The following TANC1 variants were observed in gnomAD, a reference collection of about 807,000 sequenced individuals.
TANC1 encodes tetratricopeptide repeat, ankyrin repeat and coiled-coil containing 1.
Under a neutral mutation model 149.7 loss-of-function variants are expected in TANC1, and 77 were observed. The ratio of observed to expected loss-of-function variants is 0.51; its 90% CI spans 0.43 to 0.62. The LOEUF (loss-of-function observed/expected upper bound fraction) is 0.62. Ranked by LOEUF, TANC1 falls within the 20% of genes least tolerant of loss-of-function variation. The pLI is 0.00. For missense variants in TANC1, 1,985 were observed against 2,321.8 expected (o/e 0.85, Z 2.98); for synonymous variants, 854 against 925.0 (o/e 0.92, Z 1.39).
At chr2:158,969,016 G>T (rs1453742590) in intron 1 of TANC1, among the ~76,000 whole-genome samples, 2 of 152,226 alleles carry the variant, frequency 1.3e-5, no homozygotes, top group Non-Finnish European at 2.9e-5. Context: ...CGGCGGCTTT[G>T]GGGAGTCCGC....
intron 1 of TANC1, among the ~76,000 whole-genome samples, chr2:158,987,792 G>A (rs842062): frequency 0.22 from 32,856 of 151,978 alleles, 3,868 homozygotes; most frequent in South Asian, 0.43. Flanking sequence ...AGGTAGTTTT[G>A]GGAATGGAGT....
At chr2:159,155,150 A>T (rs1196139901) in intron 7 of TANC1, among the ~76,000 whole-genome samples, 2 of 152,260 alleles carry the variant, frequency 1.3e-5, no homozygotes, top group Admixed American at 6.5e-5. Flanking sequence ...ATTTGTGTTT[A>T]TGTACATATC....
chr2:159,106,049 T>C (rs541342994), intron 4 of TANC1, among the ~76,000 whole-genome samples: 1 of 152,362 alleles, frequency 6.6e-6, no homozygotes, highest in South Asian at 2.1e-4. Flanking sequence ...GTTTTTCATT[T>C]TCTCCAGTCA....
intron 15 of TANC1, 169 bp from the exon 16 acceptor site, chr2:159,186,733 A>G (rs2056995325): frequency 2.8e-6 from 2 of 725,698 alleles, no homozygotes; most frequent in African/African-American, 3.6e-5. Flanking sequence ...GGTTTCAGGT[A>G]GTGAAAGCTC....
In TANC1 at chr2:159,230,055, C is replaced by T; in HGVS notation, c.4629C>T (p.Gly1543=). The change falls in exon 27 of 27, where the codon GGC becomes GGT. Residue 1543 remains glycine (G), a synonymous_variant. Coordinates refer to ENST00000263635, the MANE Select transcript of TANC1 (RefSeq NM_033394.3). This position sits in a 1 kb window ranked among gnomAD's most constrained non-coding sequence, Gnocchi z 4.4. The part of the protein sequence containing the change: ...IVKTSQHLGS[G]QSAVRNGSMK... ...AAACCAGCCAGCACCTGGGCTCTGG[C>T]CAGTCGGCAGTGAGAAATGGCAGTA... is the stretch of plus-strand genomic sequence containing the variant. The T allele has an allele frequency of 6.2e-7, 1 of 1,614,060 alleles. No homozygotes were observed. The highest frequency in any genetic ancestry group is 8.5e-7 in the Non-Finnish European group (1 of 1,180,048).
At chr2:159,141,627 C>T (rs1473246723) in intron 5 of TANC1, among the ~76,000 whole-genome samples, 3 of 152,154 alleles carry the variant, frequency 2.0e-5, no homozygotes, top group Non-Finnish European at 4.4e-5. Flanking sequence ...AGTGTCCAGC[C>T]ACCAGTTGGA....
intron 2 of TANC1, chr2:159,060,102 CTG>C (rs747768978): frequency 7.2e-6 from 7 of 978,852 alleles, no homozygotes; most frequent in Non-Finnish European, 8.5e-6. Flanking sequence ...GAAGGCATGA[CTG>C]TTAGTTACGT....
intron 1 of TANC1, among the ~76,000 whole-genome samples, chr2:158,981,489 TTTTATATATA>T (rs1168948596): frequency 9.7e-5 from 5 of 51,692 alleles, no homozygotes; most frequent in Non-Finnish European, 1.4e-4. Flanking sequence ...AATATATAGC[TTTTATATATA>T]TATATATATA....
intron 5 of TANC1, among the ~76,000 whole-genome samples, chr2:159,138,384 G>A (rs757955279): frequency 2.6e-4 from 40 of 152,172 alleles, no homozygotes; most frequent in Admixed American, 2.0e-4. Flanking sequence ...ATGAGGAGAG[G>A]TGGCTGCCTA....
intron 19 of TANC1, among the ~76,000 whole-genome samples, chr2:159,210,279 G>A (rs1300046430): frequency 2.0e-5 from 3 of 152,288 alleles, no homozygotes; most frequent in African/African-American, 7.2e-5. Context: ...AAATGTGGGT[G>A]GGAATACAGA....
chr2:159,163,837 T>TTC (rs2054300506), intron 8 of TANC1, among the ~76,000 whole-genome samples: 1 of 152,222 alleles, frequency 6.6e-6, no homozygotes, highest in Admixed American at 6.5e-5. Context: ...GTTTTTGTTT[T>TTC]AAGCCTTAGA....
At chr2:159,111,115 G>A (rs1226709812) in intron 4 of TANC1, among the ~76,000 whole-genome samples, 1 of 152,252 alleles carries the variant, frequency 6.6e-6, no homozygotes, top group African/African-American at 2.4e-5. Flanking sequence ...GTCTAAGAAA[G>A]CAATGGTTCT....
In TANC1 at chr2:159,194,329, C is replaced by G; in HGVS notation, c.2815C>G (p.Leu939Val). 2 of 1,614,258 alleles carry G rather than the reference C, an allele frequency of 1.2e-6. No individual in the cohort carries two copies. The highest frequency in any genetic ancestry group is 1.7e-6 in the Non-Finnish European group (2 of 1,180,044). ...RTEVLNNAPI[L>V]CVQSHLGHEE... ...AGAAGTGTTAAATAATGCCCCAATC[C>G]TGTGCGTCCAGTCTCACCTTGGCCA... The change falls in exon 17 of 27, where the codon CTG becomes GTG. Residue 939 changes from leucine to valine, a missense_variant. By Grantham distance (32) the Leu-to-Val change is conservative. This residue lies in a region of TANC1 where 508 missense variants were observed against 714.2 expected (regional missense o/e 0.71). Coordinates refer to ENST00000263635, the MANE Select transcript of TANC1 (RefSeq NM_033394.3).
chr2:159,156,448 A>G (rs1210167776), intron 7 of TANC1, among the ~76,000 whole-genome samples: 1 of 152,228 alleles, frequency 6.6e-6, no homozygotes, highest in Non-Finnish European at 1.5e-5. Context: ...CTATTGGTGT[A>G]GCAAGCATTT....
rs377187868 is a variant in TANC1 at position 159,174,941 on chromosome 2, G to C, written c.1504-12G>C. The stretch of plus-strand genomic sequence containing the variant: ...AGGGTGAGGTGATGCTGACGGTTCT[G>C]CTTCCCCCTAGGTGGTGGCCTACCA... On this transcript the variant is annotated splice_polypyrimidine_tract_variant and intron_variant, in intron 11 of 26. Coordinates refer to ENST00000263635, the MANE Select transcript of TANC1 (RefSeq NM_033394.3). The C allele has an allele frequency of 7.5e-6, 12 of 1,609,866 alleles. No homozygotes were observed. In the South Asian group the frequency reaches 8.8e-5, roughly 12 times the overall value.
At chr2:159,083,978 A>G (rs1009098864) in intron 3 of TANC1, among the ~76,000 whole-genome samples, 4 of 152,136 alleles carry the variant, frequency 2.6e-5, no homozygotes, top group East Asian at 3.8e-4. Context: ...TCAGCTGGGC[A>G]TGGTGGCTTA....
At chr2:159,063,629 A>G (rs903977968) in intron 2 of TANC1, among the ~76,000 whole-genome samples, 4 of 152,216 alleles carry the variant, frequency 2.6e-5, no homozygotes, top group Non-Finnish European at 4.4e-5. Context: ...TTTTTTAAGA[A>G]TATAAAATTT....
Position 159,219,745 on chromosome 2 carries a change from T to C in TANC1, c.3556T>C (p.Cys1186Arg). 6.2e-7 allele frequency: 1 copy of C among 1,614,214 alleles called. No individual in the cohort carries two copies. The highest frequency in any genetic ancestry group is 8.5e-7 in the Non-Finnish European group (1 of 1,180,038). The change falls in exon 22 of 27, where the codon TGT (cysteine) becomes CGT (arginine). Residue 1186 changes from cysteine (C) to arginine (R), a missense_variant. Physicochemically the swap from Cys to Arg is radical, Grantham distance 180 (BLOSUM62 -3). This residue lies in a region of TANC1 where 920 missense variants were observed against 994.7 expected (regional missense o/e 0.92). Transcript: ENST00000263635. Reference protein sequence around the residue: ...KEGLSALSWACLKGHRAVVQY... With the variant: ...KEGLSALSWARLKGHRAVVQY... ...GGGTCTGTCAGCATTAAGCTGGGCT[T>C]GTCTGAAAGGTCACAGGGCAGTGGT...
At chr2:159,078,677 A>G (rs1277131256) in intron 3 of TANC1, among the ~76,000 whole-genome samples, 1 of 152,156 alleles carries the variant, frequency 6.6e-6, no homozygotes, top group Non-Finnish European at 1.5e-5. Context: ...CATCCATTAA[A>G]TTGTTACCAT....
Sources: gnomAD v4.1 joint callset for allele counts (sites outside exome capture counted in the v4.1 genomes callset) on GRCh38, gnomAD v4.1.1 for gene constraint, gnomAD v4.1.1 regional missense constraint, Gnocchi (gnomAD v3.1) non-coding constraint, MANE v1.5 for transcripts, NCBI Gene and HGNC (gene_info 2026-07-23, HGNC 2026-07-21) for gene names.